Variants in PCDHA4 observed in about 807,000 individuals in gnomAD.
PCDHA4 encodes protocadherin alpha 4.
PCDHA4 carries 49 observed loss-of-function variants against 61.4 expected under a neutral mutation model. The observed-to-expected ratio is 0.80, with a 90% CI of 0.63 to 1.01. The LOEUF (loss-of-function observed/expected upper bound fraction) is 1.01. Among genes scored for constraint, PCDHA4 ranks in the 50% least tolerant of loss-of-function variants. PCDHA4 has a pLI of 0.00. For missense variants in PCDHA4, 1,254 were observed against 1,235.8 expected, an observed-to-expected ratio of 1.01 and a Z score of -0.22; for synonymous variants, 590 against 550.3, an observed-to-expected ratio of 1.07 and a Z score of -1.01.
intron 1 of PCDHA4, among the ~76,000 whole-genome samples, chr5:140,976,893 A>G (rs1240555240): frequency 2.0e-5 from 3 of 152,212 alleles, no homozygotes; most frequent in African/African-American, 7.2e-5. Context: ...GATACATGCA[A>G]CAGTATGTAA....
At chr5:140,935,850 G>A (rs2090589549) in intron 1 of PCDHA4, among the ~76,000 whole-genome samples, 1 of 149,422 alleles carries the variant, frequency 6.7e-6, no homozygotes, top group South Asian at 2.1e-4. Context: ...GCTTAATGGT[G>A]TCTTTTGATT....
At chr5:140,838,648 A>G (rs1026164992) in intron 1 of PCDHA4, among the ~76,000 whole-genome samples, 1 of 152,158 alleles carries the variant, frequency 6.6e-6, no homozygotes, top group East Asian at 1.9e-4. Context: ...CAAAAAAATG[A>G]TAGTTAACGG....
At chr5:140,864,420 G>T (rs1430010861) in intron 1 of PCDHA4, 1 of 152,158 alleles carries the variant, frequency 6.6e-6, no homozygotes, top group African/African-American at 2.4e-5. Context: ...AGGCAGCTTC[G>T]TCCACAAACA....
intron 1 of PCDHA4, chr5:140,857,748 C>T: frequency 6.3e-7 from 1 of 1,597,386 alleles, no homozygotes; most frequent in Middle Eastern, 1.8e-4. Flanking sequence ...CTGCTGGCGT[C>T]TCCCGCTGGC....
chr5:140,829,643 T>C (rs2150171954), intron 1 of PCDHA4: 3 of 1,612,246 alleles, frequency 1.9e-6, no homozygotes, highest in South Asian at 1.1e-5. Flanking sequence ...CGGCAAGGTG[T>C]ACGCGCTGCA....
chr5:140,857,654 G>C, intron 1 of PCDHA4: 1 of 1,596,766 alleles, frequency 6.3e-7, no homozygotes, highest in South Asian at 1.1e-5. Flanking sequence ...CCAGGTGAGC[G>C]CGCGCGATGG....
intron 1 of PCDHA4, among the ~76,000 whole-genome samples, chr5:140,961,103 A>G (rs531762252): frequency 6.6e-6 from 1 of 152,254 alleles, no homozygotes; most frequent in South Asian, 2.1e-4. Context: ...TTGGTCACCC[A>G]ACCCCCTTGC....
At chr5:141,007,395 CAAAAAAAA>C (rs35800918) in intron 3 of PCDHA4, among the ~76,000 whole-genome samples, 98 of 94,844 alleles carry the variant, frequency 1.0e-3, no homozygotes, top group African/African-American at 2.9e-3. Context: ...TACTAAAATA[CAAAAAAAA>C]AAAAAAAAAA....
chr5:140,846,036 T>A (rs2150383909), intron 1 of PCDHA4, among the ~76,000 whole-genome samples: 1 of 149,754 alleles, frequency 6.7e-6, no homozygotes, highest in Non-Finnish European at 1.5e-5. Context: ...TTTAGGAAAG[T>A]CAAGTTAACA....
rs148828100 is a variant in PCDHA4, at chr5:140,841,462, G to C, written c.2385+31890G>C. The stretch of plus-strand genomic sequence containing the variant: ...CCAAACACGGCACCTTCGTGGGCCG[G>C]ATCGCGCAGGACCTGGGGCTGGAGC... On this transcript the variant is annotated intron_variant, in intron 1 of 3. Coordinates refer to ENST00000530339, the MANE Select transcript of PCDHA4 (RefSeq NM_018907.4). 2.4e-3 allele frequency: 3,771 copies of C among 1,566,800 alleles called. 62 individuals are homozygous for C. Among genetic ancestry groups the C allele is most frequent in the African/African-American group, 0.015 (1,090 of 73,024 alleles).
chr5:140,828,677 T>C (rs2150157851), intron 1 of PCDHA4: 11 of 1,614,216 alleles, frequency 6.8e-6, no homozygotes, highest in Non-Finnish European at 7.6e-6. Context: ...TGGGCTCTTA[T>C]TAAAGAAATC....
At chr5:140,864,027 G>A (rs2048287135) in intron 1 of PCDHA4, 1 of 152,794 alleles carries the variant, frequency 6.5e-6, no homozygotes, top group Non-Finnish European at 1.5e-5. Flanking sequence ...TGGAAGTCTA[G>A]CCATCTTAAT....
chr5:140,835,646 T>C lies in PCDHA4; in HGVS notation c.2385+26074T>C, dbSNP rs148944886. The C allele has an allele frequency of 8.1e-4, 1,314 of 1,613,744 alleles. 16 individuals are homozygous for C. In the African/African-American group the frequency reaches 0.014, roughly 17 times the overall value. On this transcript the variant is annotated intron_variant, in intron 1 of 3. Transcript: ENST00000530339. ...TGGACCGCGAGAGTGTGTCCGCCTA[T>C]GAGCTGGTGGTTACCGCGCGGGACG...
At chr5:140,883,635 C>G (rs997170789) in intron 1 of PCDHA4, 13 of 1,613,058 alleles carry the variant, frequency 8.1e-6, no homozygotes, top group Non-Finnish European at 1.1e-5. Context: ...CCGGCGTTCG[C>G]GCAGCCCGAG....
At chr5:140,865,799 T>A (rs1286819785) in intron 1 of PCDHA4, 1 of 152,200 alleles carries the variant, frequency 6.6e-6, no homozygotes, top group East Asian at 1.9e-4. Context: ...GGCTTCAGAC[T>A]CATTCTTTTA....
At chr5:140,810,122 T>G (rs1554125423) in intron 1 of PCDHA4, 1 of 152,484 alleles carries the variant, frequency 6.6e-6, no homozygotes, top group Non-Finnish European at 1.5e-5. Context: ...TTGTGTGTTA[T>G]TTGTATTTAT....
At chr5:140,895,922 T>G (rs1301725770) in intron 1 of PCDHA4, among the ~76,000 whole-genome samples, 1 of 152,190 alleles carries the variant, frequency 6.6e-6, no homozygotes, top group African/African-American at 2.4e-5. Context: ...ACAATTATCC[T>G]GCCTCAGCCT....
intron 1 of PCDHA4, among the ~76,000 whole-genome samples, chr5:140,948,369 TG>T (rs1209104577): frequency 7.9e-5 from 12 of 151,580 alleles, no homozygotes; most frequent in Non-Finnish European, 3.0e-5. Context: ...ACTTAGGAGG[TG>T]TTCCTTCCTC....
chr5:140,983,719 A>C (rs1417350764), intron 3 of PCDHA4, among the ~76,000 whole-genome samples: 1 of 152,256 alleles, frequency 6.6e-6, no homozygotes, highest in African/African-American at 2.4e-5. Context: ...TAGCACTTAT[A>C]TTCATAACAT....
Sources: gnomAD v4.1 joint callset for allele counts (sites outside exome capture counted in the v4.1 genomes callset) on GRCh38, gnomAD v4.1.1 for gene constraint, MANE v1.5 for transcripts, NCBI Gene and HGNC (gene_info 2026-07-23, HGNC 2026-07-21) for gene names.